The following PCDH9 variants were observed in gnomAD, a reference collection of about 807,000 sequenced individuals.
The protein encoded by PCDH9 is protocadherin-9.
PCDH9 carries 24 observed loss-of-function variants against 70.6 expected under a neutral mutation model. The ratio of observed to expected loss-of-function variants is 0.34; its 90% CI spans 0.25 to 0.48. The LOEUF is 0.48. Ranked by LOEUF, PCDH9 falls within the 20% of genes least tolerant of loss-of-function variation. The probability of loss-of-function intolerance (pLI) is 0.99; values close to 1 mark genes in which losing one functional copy is unlikely to be tolerated. For missense variants in PCDH9, 1,281 were observed against 1,503.6 expected, an observed-to-expected ratio of 0.85 and a Z score of 2.45; for synonymous variants, 562 against 558.5, an observed-to-expected ratio of 1.01 and a Z score of -0.09.
intron 2 of PCDH9, among the ~76,000 whole-genome samples, chr13:67,049,593 A>G (rs972263051): frequency 6.6e-6 from 1 of 152,184 alleles, no homozygotes; most frequent in Admixed American, 6.6e-5. Flanking sequence ...GTGTCTGAGG[A>G]TGGCGATAAA....
chr13:66,326,277 T>G (rs958779350), intron 4 of PCDH9, among the ~76,000 whole-genome samples: 3 of 152,082 alleles, frequency 2.0e-5, no homozygotes, highest in Admixed American at 6.6e-5. Context: ...CTCCCCAGTA[T>G]TCCATGTTTC....
At chr13:66,461,548 CAA>C (rs879897582) in intron 4 of PCDH9, among the ~76,000 whole-genome samples, 2 of 136,438 alleles carry the variant, frequency 1.5e-5, no homozygotes, top group Non-Finnish European at 3.2e-5. Context: ...ATCAACTCTG[CAA>C]AAAAAAAAAG....
At chr13:66,611,955 A>T (rs2077298342) in intron 4 of PCDH9, among the ~76,000 whole-genome samples, 1 of 152,244 alleles carries the variant, frequency 6.6e-6, no homozygotes, top group South Asian at 2.1e-4. Flanking sequence ...TCTCTACAGC[A>T]GTTCACCACT....
At chr13:66,949,873 A>G (rs2083149652) in intron 2 of PCDH9, among the ~76,000 whole-genome samples, 1 of 152,102 alleles carries the variant, frequency 6.6e-6, no homozygotes, top group Non-Finnish European at 1.5e-5. Context: ...ATATAAAAGA[A>G]AGAAAACAGA....
intron 2 of PCDH9, among the ~76,000 whole-genome samples, chr13:67,195,177 G>T (rs973643434): frequency 6.7e-6 from 1 of 149,302 alleles, no homozygotes; most frequent in Non-Finnish European, 1.5e-5. Flanking sequence ...ACAGAGTCTC[G>T]CTCTTTCGCC....
At chr13:66,471,737 A>C (rs1352963832) in intron 4 of PCDH9, among the ~76,000 whole-genome samples, 1 of 152,156 alleles carries the variant, frequency 6.6e-6, no homozygotes, top group African/African-American at 2.4e-5. Context: ...TAAAGAACAG[A>C]GTTATAATTT....
At chr13:66,792,290 GATTTT>G (rs547354589) in intron 3 of PCDH9, among the ~76,000 whole-genome samples, 1 of 152,208 alleles carries the variant, frequency 6.6e-6, no homozygotes, top group East Asian at 1.9e-4. Flanking sequence ...TGTGAACATA[GATTTT>G]ATTAAACATA....
At chr13:66,967,932 AG>A (rs1260138481) in intron 2 of PCDH9, among the ~76,000 whole-genome samples, 1 of 151,992 alleles carries the variant, frequency 6.6e-6, no homozygotes, top group Non-Finnish European at 1.5e-5. Flanking sequence ...TTGTGGAATG[AG>A]GGAGCCTCTC....
chr13:66,571,475 C>T (rs1469364977), intron 4 of PCDH9, among the ~76,000 whole-genome samples: 3 of 151,696 alleles, frequency 2.0e-5, no homozygotes, highest in East Asian at 3.9e-4. Flanking sequence ...AAAGACTTAG[C>T]AAGCTATATT....
intron 2 of PCDH9, among the ~76,000 whole-genome samples, chr13:67,023,969 TGGAA>T (rs1369490035): frequency 1.4e-5 from 2 of 142,574 alleles, no homozygotes; most frequent in Admixed American, 6.9e-5. Flanking sequence ...AGAAAAAAGA[TGGAA>T]GAAAAAAAAA....
intron 2 of PCDH9, among the ~76,000 whole-genome samples, chr13:67,168,029 C>A (rs778911777): frequency 6.6e-6 from 1 of 152,094 alleles, no homozygotes; most frequent in Non-Finnish European, 1.5e-5. Context: ...TGATAGATAA[C>A]AAAAGCTCAA....
At chr13:66,525,646 A>G (rs1173843450) in intron 4 of PCDH9, among the ~76,000 whole-genome samples, 1 of 152,114 alleles carries the variant, frequency 6.6e-6, no homozygotes, top group Admixed American at 6.6e-5. Flanking sequence ...TCTTTAAAAC[A>G]TTTGTCTACA....
At chr13:66,369,751 A>G (rs1357739724) in intron 4 of PCDH9, among the ~76,000 whole-genome samples, 2 of 152,080 alleles carry the variant, frequency 1.3e-5, no homozygotes, top group Non-Finnish European at 2.9e-5. Context: ...TGAATATGGT[A>G]TATGGTGAAG....
chr13:66,572,512 G>T (rs903953566), intron 4 of PCDH9, among the ~76,000 whole-genome samples: 3 of 151,924 alleles, frequency 2.0e-5, no homozygotes, highest in African/African-American at 7.3e-5. Context: ...TGTCCTCCAG[G>T]CTCAGCCATA....
intron 3 of PCDH9, among the ~76,000 whole-genome samples, chr13:66,879,241 G>A (rs1335234921): frequency 1.3e-5 from 2 of 152,022 alleles, no homozygotes; most frequent in Non-Finnish European, 1.5e-5. Flanking sequence ...TATGTAGTAG[G>A]AATTCCCACT....
chr13:66,850,285 G>A lies in PCDH9; in HGVS notation c.3138+53219C>T, dbSNP rs545198680. Among the ~76,000 whole-genome samples the A allele has an allele frequency of 2.6e-5, 4 of 152,176 alleles. No homozygotes were observed. The East Asian group carries it at 7.8e-4, about 30-fold the overall frequency. ...TGTAATGCCAGCATTTTGGGAGACT[G>A]AGGCAGGCGGATCACCTGAGGTCAG... On this transcript the variant is annotated intron_variant, in intron 3 of 4. Transcript: ENST00000377865.
chr13:67,054,847 T>C (rs1308833871), intron 2 of PCDH9, among the ~76,000 whole-genome samples: 1 of 152,150 alleles, frequency 6.6e-6, no homozygotes, highest in Admixed American at 6.5e-5. Flanking sequence ...TGTCATATTA[T>C]CCAGCACTCT....
At chr13:67,229,187 CAA>C (rs1443887613) in intron 1 of PCDH9, among the ~76,000 whole-genome samples, 1 of 152,214 alleles carries the variant, frequency 6.6e-6, no homozygotes, top group African/African-American at 2.4e-5. Context: ...AGCACAACAA[CAA>C]GACTTCAGAT....
intron 3 of PCDH9, among the ~76,000 whole-genome samples, chr13:66,800,534 A>T (rs953921940): frequency 6.6e-6 from 1 of 152,134 alleles, no homozygotes; most frequent in African/African-American, 2.4e-5. Flanking sequence ...CTTACTGACC[A>T]TTAAAATCTC....
Sources: allele counts gnomAD v4.1 joint callset (sites outside exome capture counted in the v4.1 genomes callset), GRCh38; gene constraint gnomAD v4.1.1; transcripts MANE v1.5; gene names NCBI Gene and HGNC (gene_info 2026-07-23, HGNC 2026-07-21).